The following CYP26C1 variants were observed in gnomAD, a reference collection of about 807,000 sequenced individuals.
CYP26C1 encodes the protein cytochrome P450 26C1.
In CYP26C1, 41 loss-of-function variants were observed where a neutral mutation model predicts 39.1. That is an observed-to-expected ratio of 1.05 (90% confidence interval 0.82 to 1.36). The LOEUF is 1.36. Among genes scored for constraint, CYP26C1 ranks in the 40% most tolerant of loss-of-function variants. The pLI, the probability that CYP26C1 is intolerant of heterozygous loss-of-function variation, is 0.00. For missense variants in CYP26C1, 833 were observed against 752.0 expected (o/e 1.11, Z -1.26); for synonymous variants, 362 against 350.8 (o/e 1.03, Z -0.36).
Position 93,062,812 on chromosome 10 carries a change from G to T in CYP26C1, c.522G>T (p.Ala174=), listed in dbSNP as rs1408332340. 2 of 1,556,604 alleles carry T rather than the reference G, an allele frequency of 1.3e-6. No homozygotes were observed. The highest frequency in any genetic ancestry group is 2.3e-5 in the South Asian group (2 of 86,372). The change falls in exon 3 of 6, where the codon GCG becomes GCT. Residue 174 remains alanine, a synonymous_variant. Transcript: ENST00000651965. ...GGCATGAGGTGCGCTCCTGGTGCGC[G>T]GCGGGCGGGCCGGTCTCAGTCTACG... ...ALRHEVRSWC[A]AGGPVSVYDA...
At chr10:93,063,510 C>T in intron 3 of CYP26C1, 4 of 986,298 alleles carry the variant, frequency 4.1e-6, no homozygotes, top group Non-Finnish European at 2.4e-6. Context: ...CAGAGAACTG[C>T]TGCTTCTCCA....
chr10:93,062,984 G>A lies in CYP26C1; in HGVS notation c.694G>A (p.Gly232Ser). ...FSLPLDVPFS[G>S]LRKGIRARDQ... ...ACTGCCTCTGGACGTTCCCTTCAGTGGCCTACGCAAGGTACGGCCGCCCCG... is the reference window on the plus strand; with the variant it reads ...ACTGCCTCTGGACGTTCCCTTCAGTAGCCTACGCAAGGTACGGCCGCCCCG... The change falls in exon 3 of 6, where the codon GGC becomes AGC. Residue 232 changes from glycine to serine, a missense_variant. Transcript: ENST00000651965. 1 of 1,575,832 alleles carries A rather than the reference G, an allele frequency of 6.3e-7. No homozygotes were observed. Among genetic ancestry groups the A allele is most frequent in the South Asian group, 1.1e-5 (1 of 88,170 alleles).
rs947291817 is a variant in CYP26C1 at position 93,060,803 on chromosome 10, T to C, written c.-461T>C. 1 of 192,102 alleles carries C rather than the reference T, an allele frequency of 5.2e-6. No homozygotes were observed. The highest frequency in any genetic ancestry group is 2.4e-5 in the African/African-American group (1 of 41,906). 11.9% of individuals were successfully genotyped at this position (192,102 alleles called of 1,614,324 possible). A position where few individuals can be genotyped will look rare whatever the true frequency, so the allele number is the denominator to read the frequency against. On this transcript the variant is annotated 5_prime_UTR_variant, in exon 1 of 6. Coordinates refer to ENST00000651965, the MANE Select transcript of CYP26C1 (RefSeq NM_183374.3). ...GTGTCCAGCGTGGGCCAAGAAGGGTTAAACGACTGGAGGAGGGACAGGTGG... is the reference window on the plus strand; with the variant it reads ...GTGTCCAGCGTGGGCCAAGAAGGGTCAAACGACTGGAGGAGGGACAGGTGG...
Position 93,062,209 on chromosome 10 carries a change from G to T in CYP26C1, c.404G>T (p.Gly135Val). The T allele has an allele frequency of 6.6e-7, 1 of 1,525,510 alleles. No individual in the cohort carries two copies. The highest frequency in any genetic ancestry group is 8.8e-7 in the Non-Finnish European group (1 of 1,140,148). The allele number at this position is 1,525,510 out of a possible 1,614,324, so 94.5% of individuals were successfully genotyped here. A position where few individuals can be genotyped will look rare whatever the true frequency, so the allele number is the denominator to read the frequency against. Residue 135 changes from glycine (G) to valine (V), a missense_variant, in exon 2 of 6, where the codon GGC becomes GTC. By Grantham distance (109) the Gly-to-Val change is moderately radical (BLOSUM62 -3). Coordinates refer to ENST00000651965, the MANE Select transcript of CYP26C1 (RefSeq NM_183374.3). Reference protein sequence around the residue: ...LGSHTLLGAVGEPHRRRRKVL... With the variant: ...LGSHTLLGAVVEPHRRRRKVL... ...TCGCACACACTGCTAGGTGCGGTCG[G>T]CGAGCCGCACCGGCGGCGGCGCAAG...
rs1242226241 is a variant in CYP26C1, at chr10:93,062,710, G to T, written c.430-10G>T. ...ACCGCCGCCAGCGCTGATCACGCGC[G>T]CTCCCACAGGTCCTGGCGCGCGTGT... On this transcript the variant is annotated splice_polypyrimidine_tract_variant and intron_variant, in intron 2 of 5. Coordinates refer to ENST00000651965, the MANE Select transcript of CYP26C1 (RefSeq NM_183374.3). The T allele has an allele frequency of 5.7e-6, 8 of 1,398,358 alleles. No individual in the cohort carries two copies. Among genetic ancestry groups the T allele is most frequent in the Middle Eastern group, 2.6e-4 (1 of 3,812 alleles). 86.6% of individuals were successfully genotyped at this position (1,398,358 alleles called of 1,614,324 possible).
At chr10:93,063,777 C>A (rs889712266) in intron 3 of CYP26C1, 48 of 982,884 alleles carry the variant, frequency 4.9e-5, no homozygotes, top group Non-Finnish European at 5.7e-5. Flanking sequence ...AAGATCACAC[C>A]GTTAGTAGGG....
rs1846864830 is a variant in CYP26C1, at chr10:93,069,024, C to A, written c.*327C>A. The stretch of plus-strand genomic sequence containing the variant: ...TGCTGCTTGGCTTCCCCTTCCCGAG[C>A]CAATCCAGGGAGGGTGCATGGATGG... On this transcript the variant is annotated 3_prime_UTR_variant, in exon 6 of 6. Coordinates refer to ENST00000651965, the MANE Select transcript of CYP26C1 (RefSeq NM_183374.3). 7.4e-6 allele frequency: 2 copies of A among 271,002 alleles called. No individual in the cohort carries two copies. Among genetic ancestry groups the A allele is most frequent in the Non-Finnish European group, 1.4e-5 (2 of 146,208 alleles). 16.8% of individuals were successfully genotyped at this position (271,002 alleles called of 1,614,324 possible). A position where few individuals can be genotyped will look rare whatever the true frequency, so the allele number is the denominator to read the frequency against.
At chr10:93,066,920 C>A (rs139456085) in intron 5 of CYP26C1, among the ~76,000 whole-genome samples, 1 of 152,372 alleles carries the variant, frequency 6.6e-6, no homozygotes, top group African/African-American at 2.4e-5. Context: ...AGGAAGCTGT[C>A]TTGGTCCTTT....
Position 93,068,535 on chromosome 10 carries a change from C to G in CYP26C1, c.1407C>G (p.Leu469=). 1.2e-6 allele frequency: 2 copies of G among 1,601,278 alleles called. No individual in the cohort carries two copies. Among genetic ancestry groups the G allele is most frequent in the South Asian group, 2.2e-5 (2 of 89,554 alleles). The change falls in exon 6 of 6, where the codon CTC becomes CTG. Residue 469 remains leucine, a synonymous_variant. Transcript: ENST00000651965. ...CLGQELAQAV[L]QLLAVELVRT... is the part of the protein sequence containing the mutation. ...GCCAGGAGCTGGCGCAAGCCGTGCT[C>G]CAGCTGCTAGCTGTGGAGCTAGTGC...
chr10:93,062,645 C>A, intron 2 of CYP26C1, 75 bp from the exon 3 acceptor site: 1 of 1,277,844 alleles, frequency 7.8e-7, no homozygotes, highest in Non-Finnish European at 1.0e-6. Context: ...CCGGAACTGG[C>A]CTTCTGGCTA....
At chr10:93,064,760 A>C in intron 4 of CYP26C1, 1 of 1,268,424 alleles carries the variant, frequency 7.9e-7, no homozygotes, top group Non-Finnish European at 9.9e-7. Context: ...AGGAGAACTG[A>C]AGGCAAGAAT....
intron 4 of CYP26C1, among the ~76,000 whole-genome samples, chr10:93,065,457 T>G (rs1207025275): frequency 6.6e-6 from 1 of 152,184 alleles, no homozygotes; most frequent in African/African-American, 2.4e-5. Flanking sequence ...GTGCCTTTGT[T>G]GCACTGCAGC....
Position 93,066,145 on chromosome 10 carries a change from G to A in CYP26C1, c.1051G>A (p.Asp351Asn). Residue 351 changes from aspartate to asparagine, a missense_variant, in exon 5 of 6, where the codon GAC becomes AAC. Asp to Asn is a conservative substitution (Grantham distance 23). Coordinates refer to ENST00000651965, the MANE Select transcript of CYP26C1 (RefSeq NM_183374.3). ...AAGGSEGPPP[D>N]CGCEPDLSLA... ...TGGGGGCAGCGAGGGGCCCCCGCCC[G>A]ACTGCGGCTGCGAGCCCGACCTCAG... 1 of 1,369,486 alleles carries A rather than the reference G, an allele frequency of 7.3e-7. No homozygotes were observed. The highest frequency in any genetic ancestry group is 9.4e-7 in the Non-Finnish European group (1 of 1,061,674). The allele number at this position is 1,369,486 out of a possible 1,614,324, so 84.8% of individuals were successfully genotyped here.
chr10:93,060,935 T>A lies in CYP26C1; in HGVS notation c.-329T>A. The A allele has an allele frequency of 2.8e-6, 1 of 363,478 alleles. No homozygotes were observed. Among genetic ancestry groups the A allele is most frequent in the Non-Finnish European group, 4.9e-6 (1 of 202,032 alleles). The allele number at this position is 363,478 out of a possible 1,614,324, so 22.5% of individuals were successfully genotyped here. The stretch of plus-strand genomic sequence containing the variant: ...GCTGAGCCCGGGAGGAGGTGGGAGG[T>A]GCCCCGCGGAGCCGGGAGTGAGCGT... On this transcript the variant is annotated 5_prime_UTR_variant, in exon 1 of 6. Transcript: ENST00000651965.
chr10:93,062,730 G>A lies in CYP26C1; in HGVS notation c.440G>A (p.Arg147His). 1.4e-6 allele frequency: 2 copies of A among 1,427,324 alleles called. No individual in the cohort carries two copies. Among genetic ancestry groups the A allele is most frequent in the Non-Finnish European group, 9.1e-7 (1 of 1,101,850 alleles). The allele number at this position is 1,427,324 out of a possible 1,614,324, so 88.4% of individuals were successfully genotyped here. A position where few individuals can be genotyped will look rare whatever the true frequency, so the allele number is the denominator to read the frequency against. The part of the protein sequence containing the change: ...PHRRRRKVLA[R>H]VFSRAALERY... ...CGCGCGCTCCCACAGGTCCTGGCGC[G>A]CGTGTTCAGCCGCGCCGCGCTGGAG... Residue 147 changes from arginine (R) to histidine (H), a missense_variant, in exon 3 of 6, where the codon CGC (arginine) becomes CAC (histidine). Physicochemically the swap from Arg to His is conservative, Grantham distance 29. Coordinates refer to ENST00000651965, the MANE Select transcript of CYP26C1 (RefSeq NM_183374.3).
rs1487566824 is a variant in CYP26C1, at chr10:93,061,433, CCTT to C, written c.175_177del (p.Phe59del). 2 of 1,554,682 alleles carry C rather than the reference CCTT, an allele frequency of 1.3e-6. No homozygotes were observed. The highest frequency in any genetic ancestry group is 1.4e-5 in the African/African-American group (1 of 73,488). On this transcript the variant is annotated inframe_deletion, in exon 1 of 6. Transcript: ENST00000651965. ...CTGCCCAAGGGCTCCATGGGGTGGCCCTTCTTCGGCGAAACGCTGCACTGGTTA... is the reference window on the plus strand; with the variant it reads ...CTGCCCAAGGGCTCCATGGGGTGGCCCTTCGGCGAAACGCTGCACTGGTTA...
chr10:93,061,256 G>T lies in CYP26C1; in HGVS notation c.-8G>T. On this transcript the variant is annotated 5_prime_UTR_variant, in exon 1 of 6. Coordinates refer to ENST00000651965, the MANE Select transcript of CYP26C1 (RefSeq NM_183374.3). ...CGCTCTGAGCGGCCTGGCCCCCGCG[G>T]GCTCATCATGTTCCCTTGGGGGCTG... 6.4e-7 allele frequency: 1 copy of T among 1,564,136 alleles called. No individual in the cohort carries two copies. Among genetic ancestry groups the T allele is most frequent in the Non-Finnish European group, 8.6e-7 (1 of 1,157,018 alleles).
At chr10:93,066,870 C>T (rs1328333106) in intron 5 of CYP26C1, among the ~76,000 whole-genome samples, 1 of 152,216 alleles carries the variant, frequency 6.6e-6, no homozygotes. Flanking sequence ...TGACCTTGGG[C>T]AGTTCCCTCT....
intron 3 of CYP26C1, 70 bp downstream of exon 3, chr10:93,063,065 G>C: frequency 2.7e-6 from 4 of 1,486,952 alleles, no homozygotes; most frequent in Non-Finnish European, 3.6e-6. Flanking sequence ...AGACCCAGAC[G>C]GGACGCCCTC....
Sources: allele counts gnomAD v4.1 joint callset (sites outside exome capture counted in the v4.1 genomes callset), GRCh38; gene constraint gnomAD v4.1.1; transcripts MANE v1.5; gene names NCBI Gene and HGNC (gene_info 2026-07-23, HGNC 2026-07-21).